HAUS6: variants seen among roughly 807,000 people sequenced by gnomAD.
The protein encoded by HAUS6 is HAUS augmin-like complex subunit 6.
Under a neutral mutation model 106.8 loss-of-function variants are expected in HAUS6, and 80 were observed. That is an observed-to-expected ratio of 0.75 (90% CI 0.63 to 0.90). HAUS6 has a LOEUF of 0.90. HAUS6 is among the 40% of genes least tolerant of loss of function. HAUS6 has a pLI of 0.00. For synonymous variants in HAUS6, 356 were observed against 379.1 expected (o/e 0.94, Z 0.71); for missense variants, 1,155 against 1,118.1 (o/e 1.03, Z -0.47).
intron 1 of HAUS6, among the ~76,000 whole-genome samples, chr9:19,100,435 C>G (rs1342659879): frequency 6.6e-6 from 1 of 152,168 alleles, no homozygotes; most frequent in East Asian, 1.9e-4. Context: ...ACATGTGTTA[C>G]AAGATGGTGG....
chr9:19,092,291 TA>T (rs34337710), intron 4 of HAUS6, among the ~76,000 whole-genome samples: 25 of 146,420 alleles, frequency 1.7e-4, no homozygotes, highest in African/African-American at 4.8e-4. Flanking sequence ...ACCCTGGTAT[TA>T]AAAAAAAAAA....
In HAUS6 at chr9:19,058,144, T is replaced by A; in HGVS notation, c.2623A>T (p.Thr875Ser). The A allele has an allele frequency of 6.2e-7, 1 of 1,613,936 alleles. No homozygotes were observed. The highest frequency in any genetic ancestry group is 8.5e-7 in the Non-Finnish European group (1 of 1,179,840). The change falls in exon 16 of 17, where the codon ACA (threonine) becomes TCA (serine). Residue 875 changes from threonine to serine, a missense_variant. Physicochemically the swap from Thr to Ser is moderately conservative, Grantham distance 58. Around this residue, in one of 3 missense-constraint regions of HAUS6, gnomAD observed 380 missense variants for 394.8 expected, o/e 0.96. Transcript: ENST00000380502. ...TCCAAAAAGTTAAGCGTATCATCTGTTTGTACATTTTGGGGAGTAGGGCTC... is the reference window on the plus strand; with the variant it reads ...TCCAAAAAGTTAAGCGTATCATCTGATTGTACATTTTGGGGAGTAGGGCTC... ...ELSPTPQNVQ[T>S]DDTLNFLDTC...
At chr9:19,097,634 T>C (rs1336509455) in intron 1 of HAUS6, among the ~76,000 whole-genome samples, 1 of 152,150 alleles carries the variant, frequency 6.6e-6, no homozygotes, top group Non-Finnish European at 1.5e-5. Flanking sequence ...AAAGCACTGA[T>C]TTGAAATATG....
intron 11 of HAUS6, among the ~76,000 whole-genome samples, chr9:19,072,220 A>G (rs528871815): frequency 2.0e-5 from 3 of 151,416 alleles, no homozygotes; most frequent in Admixed American, 1.3e-4. Context: ...AAAATTAACT[A>G]ACTACAAATG....
chr9:19,085,987 GT>G (rs1837284438), intron 7 of HAUS6, among the ~76,000 whole-genome samples: 1 of 145,176 alleles, frequency 6.9e-6, no homozygotes, highest in African/African-American at 2.7e-5. Context: ...CAACCTATGA[GT>G]TTTAAAAAAA....
Position 19,086,968 on chromosome 9 carries a change from T to C in HAUS6, c.650+123A>G, listed in dbSNP as rs540320897. The C allele has an allele frequency of 4.5e-3, 2,899 of 646,412 alleles. 41 individuals are homozygous for C. Among genetic ancestry groups the C allele is most frequent in the South Asian group, 0.029 (1,556 of 53,382 alleles). The allele number at this position is 646,412 out of a possible 1,614,324, so 40.0% of individuals were successfully genotyped here. On this transcript the variant is annotated intron_variant, in intron 6 of 16. Coordinates refer to ENST00000380502, the MANE Select transcript of HAUS6 (RefSeq NM_017645.5). ...AGCAGTCATAACTATGCTCTAATCC[T>C]ATCATCATCTGGCTATTGATATATT...
chr9:19,078,209 C>A lies in HAUS6; in HGVS notation c.1158G>T (p.Leu386Phe). The change falls in exon 10 of 17, where the codon TTG (leucine) becomes TTT (phenylalanine). Residue 386 changes from leucine to phenylalanine, a missense_variant. By Grantham distance (22) the Leu-to-Phe change is conservative. This residue lies in a region of HAUS6 where 761 missense variants were observed against 690.0 expected (regional missense o/e 1.10). Transcript: ENST00000380502. ...WHKKWKEFLG[L>F]SPFSLIKGWT... is the part of the protein sequence containing the mutation. ...AACCTTTAATTAGACTGAAAGGAGACAAACCAAGAAATTCTTTCCACTTTT... is the reference window on the plus strand; with the variant it reads ...AACCTTTAATTAGACTGAAAGGAGAAAAACCAAGAAATTCTTTCCACTTTT... The A allele has an allele frequency of 6.2e-7, 1 of 1,604,626 alleles. No homozygotes were observed. The highest frequency in any genetic ancestry group is 8.5e-7 in the Non-Finnish European group (1 of 1,173,560).
At chr9:19,057,845 G>A in intron 16 of HAUS6, 116 bp downstream of exon 16, 1 of 624,394 alleles carries the variant, frequency 1.6e-6, no homozygotes, top group East Asian at 2.7e-5. Flanking sequence ...CCTAAATGAA[G>A]GAAGGGGGAG....
chr9:19,056,735 G>T, intron 16 of HAUS6: 1 of 201,254 alleles, frequency 5.0e-6, no homozygotes, highest in Non-Finnish European at 1.0e-5. Context: ...TGTGTACCTG[G>T]GATCACAGGC....
rs775084417 is a variant in HAUS6, at chr9:19,053,715, TTAATG to T, written c.*2623_*2627del. The T allele has an allele frequency of 5.3e-5, 8 of 152,322 alleles. No individual in the cohort carries two copies. Among genetic ancestry groups the T allele is most frequent in the East Asian group, 1.9e-4 (1 of 5,188 alleles). The allele number at this position is 152,322 out of a possible 1,614,324, so 9.4% of individuals were successfully genotyped here. A position where few individuals can be genotyped will look rare whatever the true frequency, so the allele number is the denominator to read the frequency against. On this transcript the variant is annotated 3_prime_UTR_variant, in exon 17 of 17. Coordinates refer to ENST00000380502, the MANE Select transcript of HAUS6 (RefSeq NM_017645.5). ...CAAAGTACATTCTATATGTCTGATA[TTAATG>T]TAATAAGAAATCCACTTAGAGTAAT...
At chr9:19,072,975 T>C (rs957298997) in intron 11 of HAUS6, among the ~76,000 whole-genome samples, 4 of 152,088 alleles carry the variant, frequency 2.6e-5, no homozygotes, top group African/African-American at 4.8e-5. Context: ...AAGAACCTTT[T>C]GGAAGATAAT....
intron 12 of HAUS6, 39 bp from the exon 13 acceptor site, chr9:19,063,619 G>C (rs772974562): frequency 1.4e-5 from 19 of 1,331,142 alleles, no homozygotes; most frequent in Admixed American, 5.0e-5. Flanking sequence ...GTTATAAGGA[G>C]AAAAGAATTC....
In HAUS6 at chr9:19,058,121, C is replaced by T. The variant is rs61736227; in HGVS notation, c.2646G>A (p.Leu882=). 74 of 1,613,868 alleles carry T rather than the reference C, an allele frequency of 4.6e-5. No individual in the cohort carries two copies. The highest frequency in any genetic ancestry group is 1.3e-4 in the African/African-American group (10 of 74,868). The change falls in exon 16 of 17, where the codon TTG becomes TTA. Residue 882 remains leucine (L), a synonymous_variant. Coordinates refer to ENST00000380502, the MANE Select transcript of HAUS6 (RefSeq NM_017645.5). ...GCTCAGTATGCAAATCACAGGTGTC[C>T]AAAAAGTTAAGCGTATCATCTGTTT... The part of the protein sequence containing the change: ...NVQTDDTLNF[L]DTCDLHTEHI...
chr9:19,086,224 T>A (rs942941667), intron 7 of HAUS6, among the ~76,000 whole-genome samples: 4 of 151,770 alleles, frequency 2.6e-5, no homozygotes, highest in Non-Finnish European at 5.9e-5. Context: ...GGCAGGAGAA[T>A]TGCTTGAACC....
Position 19,058,275 on chromosome 9 carries a change from T to C in HAUS6, c.2492A>G (p.Gln831Arg), listed in dbSNP as rs770185012. The change falls in exon 16 of 17, where the codon CAG (glutamine) becomes CGG (arginine). Residue 831 changes from glutamine to arginine, a missense_variant. Transcript: ENST00000380502. ...QTTPESDFNL[Q>R]ALRSRYEALK... Reference sequence around the variant, plus strand: ...AGCCTCGTATCTACTGCGAAGAGCCTGTAAATTAAAGTCTGATTCTGGAGT... The same window carrying C: ...AGCCTCGTATCTACTGCGAAGAGCCCGTAAATTAAAGTCTGATTCTGGAGT... 6 of 1,613,746 alleles carry C rather than the reference T, an allele frequency of 3.7e-6. No homozygotes were observed. In the South Asian group the frequency reaches 4.4e-5, roughly 12 times the overall value.
At chr9:19,085,625 A>AC (rs1023049164) in intron 7 of HAUS6, among the ~76,000 whole-genome samples, 2 of 151,988 alleles carry the variant, frequency 1.3e-5, no homozygotes, top group African/African-American at 4.8e-5. Flanking sequence ...CAAAAAAAAA[A>AC]AAAAAGAAAA....
intron 1 of HAUS6, among the ~76,000 whole-genome samples, chr9:19,100,480 T>C (rs1588632734): frequency 6.6e-6 from 1 of 152,234 alleles, no homozygotes; most frequent in East Asian, 1.9e-4. Context: ...TGTACTTTGT[T>C]GGTGGAATGT....
At chr9:19,095,897 A>C (rs1754005498) in intron 2 of HAUS6, among the ~76,000 whole-genome samples, 1 of 152,156 alleles carries the variant, frequency 6.6e-6, no homozygotes, top group South Asian at 2.1e-4. Context: ...TTTTTGCCTA[A>C]AGCAATTGAT....
intron 12 of HAUS6, among the ~76,000 whole-genome samples, chr9:19,066,290 C>G (rs903893770): frequency 6.7e-6 from 1 of 148,566 alleles, no homozygotes. Flanking sequence ...CTTGGCGGGG[C>G]GGGGGAGGGA....
Sources: allele counts gnomAD v4.1 joint callset (sites outside exome capture counted in the v4.1 genomes callset), GRCh38; gene constraint gnomAD v4.1.1; regional missense constraint gnomAD v4.1.1; transcripts MANE v1.5; gene names NCBI Gene and HGNC (gene_info 2026-07-23, HGNC 2026-07-21).